YY1AP1: variants seen among roughly 807,000 people sequenced by gnomAD.
The protein encoded by YY1AP1 is YY1-associated protein 1.
In YY1AP1, 43 loss-of-function variants were observed where a neutral mutation model predicts 39.9. The observed-to-expected ratio is 1.08, with a 90% CI of 0.84 to 1.39. The LOEUF (loss-of-function observed/expected upper bound fraction) is 1.39. Ranked by LOEUF, YY1AP1 falls within the 40% of genes most tolerant of loss-of-function variation. The probability of loss-of-function intolerance (pLI) is 0.00; values close to 1 mark genes in which losing one functional copy is unlikely to be tolerated. For missense variants in YY1AP1, 813 were observed against 900.7 expected (o/e 0.90, Z 1.25); for synonymous variants, 292 against 331.3 (o/e 0.88, Z 1.29).
chr1:155,680,545 C>G (rs570877457), intron 2 of YY1AP1, 89 bp from the exon 3 acceptor site: 3 of 1,177,918 alleles, frequency 2.5e-6, no homozygotes, highest in African/African-American at 3.0e-5. Context: ...ATGTTTTCAA[C>G]AAGGCATCTG....
At chr1:155,684,052 A>G (rs1386286660) in intron 2 of YY1AP1, among the ~76,000 whole-genome samples, 1 of 152,308 alleles carries the variant, frequency 6.6e-6, no homozygotes, top group South Asian at 2.1e-4. Context: ...GTTCGTGACC[A>G]GCCTGGCCAA....
chr1:155,662,785 G>C (rs1348989347), intron 9 of YY1AP1, among the ~76,000 whole-genome samples: 1 of 152,062 alleles, frequency 6.6e-6, no homozygotes, highest in Non-Finnish European at 1.5e-5. Flanking sequence ...TGGATCACTG[G>C]AGGTCAGGAG....
At chr1:155,663,619 T>C (rs1648504003) in intron 9 of YY1AP1, among the ~76,000 whole-genome samples, 2 of 151,692 alleles carry the variant, frequency 1.3e-5, no homozygotes, top group Admixed American at 1.3e-4. Context: ...CTCGGGACGC[T>C]GAAACAGGAC....
intron 2 of YY1AP1, among the ~76,000 whole-genome samples, chr1:155,687,299 C>A (rs1652592900): frequency 6.7e-6 from 1 of 148,542 alleles, no homozygotes; most frequent in East Asian, 2.0e-4. Flanking sequence ...AGTTTCTCCC[C>A]TCCCTGACCT....
Position 155,672,743 on chromosome 1 carries a change from C to A in YY1AP1, c.412-12G>T. On this transcript the variant is annotated splice_polypyrimidine_tract_variant and intron_variant, in intron 6 of 10. Coordinates refer to ENST00000355499, the MANE Select transcript of YY1AP1 (RefSeq NM_139119.3). ...GTTCCCAGCTCTTTCTGGGAAAACA[C>A]GACACAAGGAAGATCTAAGACAATT... 6.2e-7 allele frequency: 1 copy of A among 1,614,094 alleles called. No individual in the cohort carries two copies. Among genetic ancestry groups the A allele is most frequent in the Non-Finnish European group, 8.5e-7 (1 of 1,180,024 alleles).
chr1:155,681,187 C>T (rs570841296), intron 2 of YY1AP1, among the ~76,000 whole-genome samples: 6 of 151,980 alleles, frequency 3.9e-5, no homozygotes, highest in East Asian at 1.9e-4. Context: ...TGCACCACCA[C>T]GCCCAGCTAA....
intron 1 of YY1AP1, 150 bp downstream of exon 1, chr1:155,688,509 C>G (rs1653043544): frequency 4.5e-6 from 7 of 1,547,268 alleles, no homozygotes; most frequent in Non-Finnish European, 6.1e-6. Context: ...TCTACGGGCT[C>G]GTCGCTGGCT....
At position 155,661,134 on chromosome 1, in the gene YY1AP1, G is replaced by A. The variant is rs1648033247; in HGVS notation, c.996+173C>T. 2.0e-6 allele frequency: 3 copies of A among 1,535,656 alleles called. No individual in the cohort carries two copies. The South Asian group carries it at 3.7e-5, about 19-fold the overall frequency. ...TTTTACCCATTATTTTGAAAATGTT[G>A]TAGAATCACCCGGAGAAGGGCAGAA... On this transcript the variant is annotated intron_variant, in intron 10 of 10. Transcript: ENST00000355499.
intron 2 of YY1AP1, among the ~76,000 whole-genome samples, chr1:155,684,768 TAG>T (rs966420765): frequency 3.9e-5 from 6 of 152,154 alleles, no homozygotes; most frequent in Admixed American, 6.5e-5. Context: ...TGTATTTTAG[TAG>T]AGACGGGGTT....
chr1:155,674,243 A>G (rs1028698803), intron 6 of YY1AP1, among the ~76,000 whole-genome samples: 2 of 151,788 alleles, frequency 1.3e-5, no homozygotes, highest in Non-Finnish European at 2.9e-5. Context: ...AAACACTAAT[A>G]TTGAGCTTCA....
chr1:155,671,386 A>T (rs1571336020), intron 7 of YY1AP1, among the ~76,000 whole-genome samples: 2 of 151,084 alleles, frequency 1.3e-5, no homozygotes, highest in African/African-American at 4.9e-5. Flanking sequence ...AGCCGAGATC[A>T]CCCCACTGCA....
chr1:155,680,107 G>A (rs1450076321), intron 3 of YY1AP1: 1 of 266,644 alleles, frequency 3.8e-6, no homozygotes, highest in Non-Finnish European at 7.2e-6. Context: ...GAGCCCTGGA[G>A]GTCGAGGCTG....
chr1:155,660,605 T>A lies in YY1AP1; in HGVS notation c.1305A>T (p.Gln435His), dbSNP rs1314116842. ...PSFNPGKTPA[Q>H]STHSEAPPSK... Reference sequence around the variant, plus strand: ...TCGGAGGGGCTTCTGAATGAGTTGATTGGGCTGGTGTTTTCCCAGGGTTGA... The same window carrying A: ...TCGGAGGGGCTTCTGAATGAGTTGAATGGGCTGGTGTTTTCCCAGGGTTGA... Residue 435 changes from glutamine (Q) to histidine (H), a missense_variant, in exon 11 of 11, where the codon CAA becomes CAT. By Grantham distance (24) the Gln-to-His change is conservative. Coordinates refer to ENST00000355499, the MANE Select transcript of YY1AP1 (RefSeq NM_139119.3). 1 of 1,614,136 alleles carries A rather than the reference T, an allele frequency of 6.2e-7. No individual in the cohort carries two copies. The highest frequency in any genetic ancestry group is 8.5e-7 in the Non-Finnish European group (1 of 1,180,016).
chr1:155,679,567 T>A (rs986442538), intron 3 of YY1AP1, 55 bp from the exon 4 acceptor site: 19 of 1,613,462 alleles, frequency 1.2e-5, no homozygotes, highest in Non-Finnish European at 1.6e-5. Context: ...TGAATGTTGC[T>A]CCAGTGTTGG....
chr1:155,673,648 ATCC>A (rs1298523986), intron 6 of YY1AP1, among the ~76,000 whole-genome samples: 1 of 152,052 alleles, frequency 6.6e-6, no homozygotes, highest in Non-Finnish European at 1.5e-5. Flanking sequence ...GGCTCAAGTG[ATCC>A]TCCTACCTCA....
chr1:155,667,949 C>A (rs28678959), intron 9 of YY1AP1, among the ~76,000 whole-genome samples: 1 of 150,248 alleles, frequency 6.7e-6, no homozygotes, highest in Non-Finnish European at 1.5e-5. Flanking sequence ...CACAGACACA[C>A]ACAAACACAC....
Position 155,672,715 on chromosome 1 carries a change from A to G in YY1AP1, c.428T>C (p.Phe143Ser), listed in dbSNP as rs370709031. The change falls in exon 7 of 11, where the codon TTT becomes TCT. Residue 143 changes from phenylalanine (F) to serine (S), a missense_variant. Coordinates refer to ENST00000355499, the MANE Select transcript of YY1AP1 (RefSeq NM_139119.3). ...GTGAAGGGCGATGGAGCTTTGAGCAAAGGTTCCCAGCTCTTTCTGGGAAAA... is the reference window on the plus strand; with the variant it reads ...GTGAAGGGCGATGGAGCTTTGAGCAGAGGTTCCCAGCTCTTTCTGGGAAAA... ...TRICLKELGT[F>S]AQSSIALHHQ... The G allele has an allele frequency of 3.1e-6, 5 of 1,614,068 alleles. No individual in the cohort carries two copies. The highest frequency in any genetic ancestry group is 1.3e-5 in the African/African-American group (1 of 74,918).
chr1:155,679,039 A>G, intron 4 of YY1AP1: 4 of 1,009,604 alleles, frequency 4.0e-6, no homozygotes, highest in South Asian at 1.7e-5. Context: ...TTTCAGTCAC[A>G]TTTAGCAGAT....
At chr1:155,666,539 G>A (rs147297490) in intron 9 of YY1AP1, among the ~76,000 whole-genome samples, 1 of 152,322 alleles carries the variant, frequency 6.6e-6, no homozygotes, top group African/African-American at 2.4e-5. Context: ...GGGAGTAAGG[G>A]AGTGAGGAGA....
Sources: gnomAD v4.1 joint callset for allele counts (sites outside exome capture counted in the v4.1 genomes callset) on GRCh38, gnomAD v4.1.1 for gene constraint, MANE v1.5 for transcripts, NCBI Gene and HGNC (gene_info 2026-07-23, HGNC 2026-07-21) for gene names.